COL15A1: variants seen among roughly 807,000 people sequenced by gnomAD.
The protein encoded by COL15A1 is collagen type XV alpha 1 chain.
COL15A1 carries 111 observed loss-of-function variants against 165.9 expected under a neutral mutation model. The observed-to-expected ratio is 0.67, with a 90% CI of 0.57 to 0.78. The LOEUF (loss-of-function observed/expected upper bound fraction) is 0.78. Among genes scored for constraint, COL15A1 ranks in the 30% least tolerant of loss-of-function variants. The pLI, the probability that COL15A1 is intolerant of heterozygous loss-of-function variation, is 0.00. For missense variants in COL15A1, 1,745 were observed against 1,789.7 expected, an observed-to-expected ratio of 0.98 and a Z score of 0.45; for synonymous variants, 659 against 674.8, an observed-to-expected ratio of 0.98 and a Z score of 0.36.
chr9:99,047,955 G>A lies in COL15A1; in HGVS notation c.2748G>A (p.Leu916=). 1 of 1,608,524 alleles carries A rather than the reference G, an allele frequency of 6.2e-7. No individual in the cohort carries two copies. Among genetic ancestry groups the A allele is most frequent in the Non-Finnish European group, 8.5e-7 (1 of 1,175,906 alleles). Residue 916 remains leucine, a synonymous_variant, in exon 28 of 42, where the codon CTG becomes CTA. Coordinates refer to ENST00000375001, the MANE Select transcript of COL15A1 (RefSeq NM_001855.5). ...GTGGGTTCCAGGGTCGCCCAGGACT[G>A]AATGGCCTCAAGGGTACCAAAGGAG... ...GLPGRPGRPG[L]NGLKGTKGDP... is the part of the protein sequence containing the mutation.
At chr9:99,003,058 G>A (rs1289271520) in intron 7 of COL15A1, among the ~76,000 whole-genome samples, 2 of 152,266 alleles carry the variant, frequency 1.3e-5, no homozygotes, top group Non-Finnish European at 2.9e-5. Context: ...GCCTAGAGAA[G>A]GCTGAGGAGG....
intron 2 of COL15A1, among the ~76,000 whole-genome samples, chr9:98,985,284 AG>A (rs1322451803): frequency 6.6e-6 from 1 of 152,246 alleles, no homozygotes; most frequent in African/African-American, 2.4e-5. Context: ...TTAAATGAAA[AG>A]AAAAATATTT....
chr9:99,025,480 G>A (rs1051757565), intron 15 of COL15A1, among the ~76,000 whole-genome samples: 2 of 152,190 alleles, frequency 1.3e-5, no homozygotes, highest in South Asian at 2.1e-4. Flanking sequence ...TAGATTAGGT[G>A]TATTAAATGC....
intron 4 of COL15A1, 92 bp downstream of exon 4, chr9:98,987,460 C>T: frequency 8.2e-7 from 1 of 1,226,720 alleles, no homozygotes; most frequent in Non-Finnish European, 1.1e-6. Flanking sequence ...CGTGGAGTTT[C>T]TGAAACCTCT....
At chr9:99,034,773 A>C (rs976241) in intron 17 of COL15A1, among the ~76,000 whole-genome samples, 189 bp downstream of exon 17, 50,050 of 151,762 alleles carry the variant, frequency 0.33, 9,438 homozygotes, top group East Asian at 0.65. Context: ...GAGTAAACAC[A>C]CTTCAATGTT....
chr9:99,062,139 C>A, intron 37 of COL15A1, 40 bp downstream of exon 37: 1 of 1,610,344 alleles, frequency 6.2e-7, no homozygotes, highest in East Asian at 2.2e-5. Context: ...CCTTCAAATA[C>A]CCTCTAAAAA....
intron 2 of COL15A1, among the ~76,000 whole-genome samples, chr9:98,966,313 A>G (rs1489792212): frequency 6.6e-6 from 1 of 152,176 alleles, no homozygotes; most frequent in Admixed American, 6.5e-5. Flanking sequence ...TCCTCCTATC[A>G]TTCAGTGCTC....
chr9:98,960,189 C>T (rs1837843618), intron 2 of COL15A1, among the ~76,000 whole-genome samples: 1 of 151,938 alleles, frequency 6.6e-6, no homozygotes, highest in Non-Finnish European at 1.5e-5. Flanking sequence ...AGGGTGATTG[C>T]TTGAGGCCAG....
At chr9:98,955,141 C>T (rs967126242) in intron 2 of COL15A1, among the ~76,000 whole-genome samples, 1 of 152,208 alleles carries the variant, frequency 6.6e-6, no homozygotes, top group Non-Finnish European at 1.5e-5. Flanking sequence ...GGTCCAGACA[C>T]CAGCAGGTTT....
chr9:98,973,559 G>C (rs901876206), intron 2 of COL15A1, among the ~76,000 whole-genome samples: 2 of 152,208 alleles, frequency 1.3e-5, no homozygotes, highest in African/African-American at 4.8e-5. Context: ...CTCAGGCACC[G>C]TGGATTGTGT....
At chr9:99,054,323 A>C (rs16918174) in intron 31 of COL15A1, among the ~76,000 whole-genome samples, 11,132 of 152,232 alleles carry the variant, frequency 0.073, 1,309 homozygotes, top group African/African-American at 0.25. Flanking sequence ...GTGAGAGCAC[A>C]TATTTCATCT....
At chr9:99,055,429 C>T in intron 34 of COL15A1, 57 bp downstream of exon 34, 1 of 1,086,226 alleles carries the variant, frequency 9.2e-7, no homozygotes. Flanking sequence ...TTCCCGGAAG[C>T]CCCCAATGGG....
In COL15A1 at chr9:99,069,795, G is replaced by C. The variant is rs747877414; in HGVS notation, c.4076G>C (p.Gly1359Ala). ...VTGLASPLST[G>A]KILDQKAYSC... ...GGACTTGCCTCCCCGCTGAGCACGG[G>C]GAAGATTCTGGACCAGAAAGCATAC... Residue 1359 changes from glycine (G) to alanine (A), a missense_variant, in exon 42 of 42, where the codon GGG (glycine) becomes GCG (alanine). Transcript: ENST00000375001. 6.2e-7 allele frequency: 1 copy of C among 1,614,078 alleles called. No homozygotes were observed. Among genetic ancestry groups the C allele is most frequent in the African/African-American group, 1.3e-5 (1 of 74,932 alleles).
At chr9:99,000,141 G>T (rs1838622760) in intron 6 of COL15A1, among the ~76,000 whole-genome samples, 1 of 152,200 alleles carries the variant, frequency 6.6e-6, no homozygotes, top group Non-Finnish European at 1.5e-5. Flanking sequence ...AAAGTGCTGG[G>T]ATTCCGGGCT....
intron 11 of COL15A1, among the ~76,000 whole-genome samples, chr9:99,019,013 T>G: frequency 6.6e-6 from 1 of 151,508 alleles, no homozygotes; most frequent in African/African-American, 2.4e-5. Context: ...GAGTTAGAGA[T>G]AGAATGAGAG....
At chr9:98,991,725 A>C (rs1480966785) in intron 5 of COL15A1, among the ~76,000 whole-genome samples, 1 of 152,352 alleles carries the variant, frequency 6.6e-6, no homozygotes, top group East Asian at 1.9e-4. Flanking sequence ...AGCTAGACAC[A>C]GAGAACTAAT....
At chr9:99,048,551 T>C (rs1839532112) in intron 28 of COL15A1, among the ~76,000 whole-genome samples, 1 of 152,156 alleles carries the variant, frequency 6.6e-6, no homozygotes, top group South Asian at 2.1e-4. Flanking sequence ...TTTGTTTTAT[T>C]ATTATTATAC....
chr9:98,970,842 C>T (rs905618474), intron 2 of COL15A1, among the ~76,000 whole-genome samples: 3 of 151,800 alleles, frequency 2.0e-5, no homozygotes, highest in African/African-American at 7.3e-5. Flanking sequence ...GTGCATGAGT[C>T]GGTGTATACT....
At chr9:99,053,782 G>A (rs1225364621) in intron 31 of COL15A1, among the ~76,000 whole-genome samples, 3 of 151,480 alleles carry the variant, frequency 2.0e-5, no homozygotes, top group Non-Finnish European at 4.4e-5. Context: ...CCCCTTCATT[G>A]AGAAAGCCTG....
Sources: allele counts gnomAD v4.1 joint callset (sites outside exome capture counted in the v4.1 genomes callset), GRCh38; gene constraint gnomAD v4.1.1; transcripts MANE v1.5; gene names NCBI Gene and HGNC (gene_info 2026-07-23, HGNC 2026-07-21).